The following UBASH3B variants were observed in gnomAD, a reference collection of about 807,000 sequenced individuals.
UBASH3B encodes the protein ubiquitin associated and SH3 domain containing B.
A neutral mutation model predicts 83.4 loss-of-function variants in UBASH3B; 37 were observed. The observed-to-expected ratio is 0.44, with a 90% CI of 0.34 to 0.58. The LOEUF is 0.58. Ranked by LOEUF, UBASH3B falls within the 20% of genes least tolerant of loss-of-function variation. The pLI is 0.01. For synonymous variants in UBASH3B, 304 were observed against 318.3 expected, an observed-to-expected ratio of 0.96 and a Z score of 0.48; for missense variants, 657 against 827.2, an observed-to-expected ratio of 0.79 and a Z score of 2.52.
intron 1 of UBASH3B, among the ~76,000 whole-genome samples, chr11:122,657,199 A>T (rs944078837): frequency 6.6e-6 from 1 of 152,260 alleles, no homozygotes; most frequent in Non-Finnish European, 1.5e-5. Flanking sequence ...GCACCTGAAC[A>T]GGAGAGTTGG....
intron 1 of UBASH3B, among the ~76,000 whole-genome samples, chr11:122,678,816 C>T (rs555194409): frequency 1.6e-4 from 25 of 152,250 alleles, no homozygotes; most frequent in Admixed American, 1.2e-3. Context: ...GCAAAGGAAC[C>T]GCGTACCAGG....
chr11:122,741,204 T>A (rs964857294), intron 1 of UBASH3B, among the ~76,000 whole-genome samples: 1 of 152,222 alleles, frequency 6.6e-6, no homozygotes, highest in Non-Finnish European at 1.5e-5. Flanking sequence ...TTTTATAAGA[T>A]CTTCACAGAA....
At chr11:122,737,511 G>A (rs780313988) in intron 1 of UBASH3B, among the ~76,000 whole-genome samples, 15 of 152,134 alleles carry the variant, frequency 9.9e-5, no homozygotes, top group Middle Eastern at 3.4e-3. Context: ...AGTACAGGCC[G>A]TGAGGTAGAT....
At chr11:122,743,682 C>T (rs180771320) in intron 1 of UBASH3B, among the ~76,000 whole-genome samples, 1 of 152,332 alleles carries the variant, frequency 6.6e-6, no homozygotes, top group African/African-American at 2.4e-5. Context: ...TATTCGAAAG[C>T]AGGTCCCTGG....
intron 1 of UBASH3B, among the ~76,000 whole-genome samples, chr11:122,711,072 C>T (rs1304471122): frequency 1.3e-5 from 2 of 152,144 alleles, no homozygotes; most frequent in South Asian, 4.1e-4. Flanking sequence ...CTGTTGGAAA[C>T]GAGATTCATG....
intron 1 of UBASH3B, among the ~76,000 whole-genome samples, chr11:122,699,531 C>CTCTTTTTCTTTCTT (rs1555137138): frequency 1.5e-4 from 16 of 107,866 alleles, no homozygotes; most frequent in African/African-American, 4.9e-4. Flanking sequence ...TTCTTTCTTT[C>CTCTTTTTCTTTCTT]TCTTTCTTTC....
In UBASH3B at chr11:122,789,081, C is replaced by G; in HGVS notation, c.772-19C>G. 6.2e-7 allele frequency: 1 copy of G among 1,605,110 alleles called. No individual in the cohort carries two copies. Among genetic ancestry groups the G allele is most frequent in the South Asian group, 1.1e-5 (1 of 90,756 alleles). ...AATGGTGAGGCATGGGGCTCACTCA[C>G]CCTCTCTTCCTTTTCCAGACATTAC... On this transcript the variant is annotated intron_variant, in intron 5 of 13. Coordinates refer to ENST00000284273, the MANE Select transcript of UBASH3B (RefSeq NM_032873.5).
intron 1 of UBASH3B, among the ~76,000 whole-genome samples, chr11:122,701,952 C>T (rs1864044224): frequency 2.0e-5 from 3 of 152,158 alleles, no homozygotes; most frequent in African/African-American, 7.2e-5. Flanking sequence ...CTCCTGGGCT[C>T]ACGTGATCCT....
intron 11 of UBASH3B, among the ~76,000 whole-genome samples, chr11:122,805,593 T>A (rs28536541): frequency 2.6e-5 from 4 of 152,140 alleles, no homozygotes; most frequent in African/African-American, 7.2e-5. Context: ...ATAAAAATTT[T>A]AAAAAATAAA....
At chr11:122,737,571 T>A (rs905655051) in intron 1 of UBASH3B, among the ~76,000 whole-genome samples, 7 of 150,848 alleles carry the variant, frequency 4.6e-5, no homozygotes, top group African/African-American at 1.7e-4. Context: ...CTACATAAAC[T>A]CCTGAATTCT....
At chr11:122,792,381 C>A (rs1861073206) in intron 6 of UBASH3B, among the ~76,000 whole-genome samples, 1 of 148,780 alleles carries the variant, frequency 6.7e-6, no homozygotes, top group Non-Finnish European at 1.5e-5. Flanking sequence ...CACAGTGGTG[C>A]AATGTTAGCT....
At chr11:122,712,905 T>G (rs1247964828) in intron 1 of UBASH3B, among the ~76,000 whole-genome samples, 2 of 93,006 alleles carry the variant, frequency 2.2e-5, no homozygotes, top group African/African-American at 4.2e-5. Flanking sequence ...GGTTTTTTTT[T>G]TTTTTTTTTT....
At position 122,740,616 on chromosome 11, in the gene UBASH3B, C is replaced by T. The variant is rs17337962; in HGVS notation, c.162-35603C>T. Among the ~76,000 whole-genome samples, 552 of 152,220 alleles carry T rather than the reference C, an allele frequency of 3.6e-3. 1 individual carries two copies. Among genetic ancestry groups the T allele is most frequent in the Non-Finnish European group, 6.0e-3 (406 of 68,024 alleles). ...GAGAGGTTGGATAACTTGCCCATAA[C>T]AGAGTGATAAGCTATAATTTGAATA... is the stretch of plus-strand genomic sequence containing the variant. On this transcript the variant is annotated intron_variant, in intron 1 of 13. Coordinates refer to ENST00000284273, the MANE Select transcript of UBASH3B (RefSeq NM_032873.5).
chr11:122,796,511 G>A (rs985131615), intron 8 of UBASH3B, among the ~76,000 whole-genome samples: 4 of 152,130 alleles, frequency 2.6e-5, no homozygotes, highest in African/African-American at 7.2e-5. Context: ...TCTTGCCCCA[G>A]GTCATATGGC....
At chr11:122,657,834 C>T (rs1392746554) in intron 1 of UBASH3B, among the ~76,000 whole-genome samples, 2 of 152,080 alleles carry the variant, frequency 1.3e-5, no homozygotes, top group African/African-American at 4.8e-5. Context: ...AGGGGTGTGT[C>T]AGGTGTGGAC....
At chr11:122,778,000 G>T (rs1186712011) in intron 3 of UBASH3B, among the ~76,000 whole-genome samples, 1 of 151,998 alleles carries the variant, frequency 6.6e-6, no homozygotes, top group Non-Finnish European at 1.5e-5. Context: ...AAAGTGCTGG[G>T]ATTATAGGCA....
At chr11:122,656,855 C>T (rs1316738058) in intron 1 of UBASH3B, among the ~76,000 whole-genome samples, 1 of 152,230 alleles carries the variant, frequency 6.6e-6, no homozygotes, top group African/African-American at 2.4e-5. Flanking sequence ...GACGGCAGCT[C>T]AGAAATCTGT....
At position 122,664,588 on chromosome 11, in the gene UBASH3B, C is replaced by T. The variant is rs149716902; in HGVS notation, c.161+8378C>T. On this transcript the variant is annotated intron_variant, in intron 1 of 13. Coordinates refer to ENST00000284273, the MANE Select transcript of UBASH3B (RefSeq NM_032873.5). ...GGTAGATGTGGCAGTGATCGCAGTC[C>T]TCTGGACCCTCTGCCCGGGGCCCTC... Among the ~76,000 whole-genome samples, 712 of 151,824 alleles carry T rather than the reference C, an allele frequency of 4.7e-3. 6 individuals are homozygous for T. The highest frequency in any genetic ancestry group is 0.016 in the African/African-American group (670 of 41,252).
chr11:122,748,803 C>T (rs1861159497), intron 1 of UBASH3B, among the ~76,000 whole-genome samples: 2 of 152,236 alleles, frequency 1.3e-5, no homozygotes, highest in Admixed American at 1.3e-4. Context: ...GGGTCTCTTG[C>T]ACACGCTTGT....
Sources: allele counts gnomAD v4.1 joint callset (sites outside exome capture counted in the v4.1 genomes callset), GRCh38; gene constraint gnomAD v4.1.1; transcripts MANE v1.5; gene names NCBI Gene and HGNC (gene_info 2026-07-23, HGNC 2026-07-21).